Variants in PRKCA observed in about 807,000 individuals in gnomAD.
PRKCA encodes protein kinase C alpha.
PRKCA carries 27 observed loss-of-function variants against 87.0 expected under a neutral mutation model. The ratio of observed to expected loss-of-function variants is 0.31; its 90% CI spans 0.23 to 0.43. The LOEUF is 0.43. Among genes scored for constraint, PRKCA ranks in the 20% least tolerant of loss-of-function variants. The probability of loss-of-function intolerance (pLI) is 1.00; values close to 1 mark genes in which losing one functional copy is unlikely to be tolerated. For synonymous variants in PRKCA, 329 were observed against 311.1 expected (o/e 1.06, Z -0.61); for missense variants, 518 against 852.3 (o/e 0.61, Z 4.88).
chr17:66,676,152 G>T (rs1009033124), intron 5 of PRKCA, among the ~76,000 whole-genome samples: 3 of 152,086 alleles, frequency 2.0e-5, no homozygotes, highest in Admixed American at 6.6e-5. Flanking sequence ...GTTCTCCCTC[G>T]CAGCATCGTC....
intron 2 of PRKCA, among the ~76,000 whole-genome samples, chr17:66,439,693 G>A (rs1045886269): frequency 3.3e-5 from 5 of 152,164 alleles, no homozygotes; most frequent in Admixed American, 2.0e-4. Context: ...TAGGGTGCCT[G>A]GGGTCTCTGC....
chr17:66,645,795 ACTCTC>A (rs1971436365), intron 5 of PRKCA, among the ~76,000 whole-genome samples: 2 of 152,076 alleles, frequency 1.3e-5, no homozygotes, highest in East Asian at 3.9e-4. Context: ...TGGCCCGTGT[ACTCTC>A]CTCCCGGTGA....
chr17:66,809,811 C>T lies in PRKCA; in HGVS notation c.*5774C>T, dbSNP rs1369634702. The T allele has an allele frequency of 6.6e-6, 1 of 152,162 alleles. No homozygotes were observed. Among genetic ancestry groups the T allele is most frequent in the Non-Finnish European group, 1.5e-5 (1 of 68,036 alleles). 9.4% of individuals were successfully genotyped at this position (152,162 alleles called of 1,614,324 possible). On this transcript the variant is annotated 3_prime_UTR_variant, in exon 17 of 17. Transcript: ENST00000413366. ...CCAGAGGCAGCCCTGGAATAGGATT[C>T]CCAGGGGTTTCTGGGACCCCTTTCC...
chr17:66,603,805 CT>C (rs1970125809), intron 3 of PRKCA, among the ~76,000 whole-genome samples: 1 of 152,176 alleles, frequency 6.6e-6, no homozygotes, highest in Admixed American at 6.5e-5. Flanking sequence ...ACCATTCTAC[CT>C]TCTGTCTCTA....
intron 3 of PRKCA, among the ~76,000 whole-genome samples, chr17:66,622,010 C>T (rs966593851): frequency 2.7e-5 from 4 of 149,990 alleles, no homozygotes; most frequent in African/African-American, 4.9e-5. Flanking sequence ...AGGATCAGCC[C>T]GGGCAACATA....
chr17:66,488,938 T>TGA (rs1465768298), intron 2 of PRKCA, among the ~76,000 whole-genome samples: 2 of 152,168 alleles, frequency 1.3e-5, no homozygotes, highest in Non-Finnish European at 2.9e-5. Flanking sequence ...TAAGCTCACT[T>TGA]TTTCATTACT....
chr17:66,344,287 G>A (rs58679828), intron 2 of PRKCA, among the ~76,000 whole-genome samples: 5,042 of 152,180 alleles, frequency 0.033, 92 homozygotes, highest in African/African-American at 0.061. Flanking sequence ...TTCCTTTAGC[G>A]GTAATTGTGC....
intron 3 of PRKCA, among the ~76,000 whole-genome samples, chr17:66,539,698 G>A (rs1020838362): frequency 4.6e-5 from 7 of 152,122 alleles, no homozygotes; most frequent in East Asian, 1.9e-4. Context: ...CACCGCGCCC[G>A]GCCTAAGGTT....
At chr17:66,654,387 C>T (rs1276258844) in intron 5 of PRKCA, among the ~76,000 whole-genome samples, 1 of 151,050 alleles carries the variant, frequency 6.6e-6, no homozygotes, top group Non-Finnish European at 1.5e-5. Context: ...TATTTCATCC[C>T]AACCACCTTT....
chr17:66,794,764 G>A (rs1011864291), intron 16 of PRKCA, among the ~76,000 whole-genome samples: 18 of 151,974 alleles, frequency 1.2e-4, no homozygotes, highest in African/African-American at 4.4e-4. Flanking sequence ...GGGATTGCAG[G>A]CACCTGCCAC....
chr17:66,306,647 A>ACT (rs1904832178), intron 2 of PRKCA, among the ~76,000 whole-genome samples: 1 of 152,124 alleles, frequency 6.6e-6, no homozygotes, highest in South Asian at 2.1e-4. Flanking sequence ...CTATGGTATG[A>ACT]CTATGTAGCA....
rs532923701 is a variant in PRKCA at position 66,780,389 on chromosome 17, AT to A, written c.1605+6323del. ...TTATGCATCATAATTTGAAAATAATATAAGAGGCTGGGTACGGTGGTTCACA... is the reference window on the plus strand; with the variant it reads ...TTATGCATCATAATTTGAAAATAATAAAGAGGCTGGGTACGGTGGTTCACA... On this transcript the variant is annotated intron_variant, in intron 14 of 16. Transcript: ENST00000413366. Among the ~76,000 whole-genome samples the A allele has an allele frequency of 2.0e-5, 3 of 152,260 alleles. No individual in the cohort carries two copies. The South Asian group carries it at 6.2e-4, about 32-fold the overall frequency.
At chr17:66,686,824 T>C (rs1473642474) in intron 5 of PRKCA, among the ~76,000 whole-genome samples, 5 of 152,076 alleles carry the variant, frequency 3.3e-5, no homozygotes, top group Admixed American at 1.3e-4. Context: ...GGGACCTGGG[T>C]TTCTGCATTT....
intron 8 of PRKCA, among the ~76,000 whole-genome samples, chr17:66,694,923 T>C (rs1256514253): frequency 1.3e-5 from 2 of 152,196 alleles, no homozygotes; most frequent in East Asian, 3.8e-4. Flanking sequence ...GTTGATTCTT[T>C]CCCTGAGCCT....
intron 8 of PRKCA, among the ~76,000 whole-genome samples, chr17:66,731,032 T>G (rs1202965495): frequency 6.6e-6 from 1 of 152,132 alleles, no homozygotes; most frequent in Admixed American, 6.5e-5. Flanking sequence ...TAAGGTCTGC[T>G]GCACTAGGGA....
chr17:66,531,241 G>A (rs1967525291), intron 3 of PRKCA, among the ~76,000 whole-genome samples: 1 of 152,204 alleles, frequency 6.6e-6, no homozygotes, highest in Non-Finnish European at 1.5e-5. Flanking sequence ...AGGGCAGGAG[G>A]AGCCGCGTTC....
At chr17:66,463,405 T>A (rs1457954479) in intron 2 of PRKCA, among the ~76,000 whole-genome samples, 6 of 152,038 alleles carry the variant, frequency 3.9e-5, no homozygotes, top group African/African-American at 1.4e-4. Context: ...TAAATTTTTT[T>A]ATTTTTTTGA....
chr17:66,557,130 T>C (rs893954932), intron 3 of PRKCA, among the ~76,000 whole-genome samples: 2 of 152,170 alleles, frequency 1.3e-5, no homozygotes, highest in Non-Finnish European at 2.9e-5. Flanking sequence ...AATGGAATGA[T>C]AGGTAGGATC....
chr17:66,380,161 AGC>A (rs545081224), intron 2 of PRKCA, among the ~76,000 whole-genome samples: 3,880 of 152,160 alleles, frequency 0.025, 59 homozygotes, highest in Non-Finnish European at 0.039. Flanking sequence ...CAATTTGAGA[AGC>A]ACATAAGCAA....
Sources: allele counts gnomAD v4.1 joint callset (sites outside exome capture counted in the v4.1 genomes callset), GRCh38; gene constraint gnomAD v4.1.1; transcripts MANE v1.5; gene names NCBI Gene and HGNC (gene_info 2026-07-23, HGNC 2026-07-21).